KIZ: variants seen among roughly 807,000 people sequenced by gnomAD.
KIZ encodes kizuna centrosomal protein.
In KIZ, 68 loss-of-function variants were observed where a neutral mutation model predicts 79.6. The observed-to-expected ratio is 0.85, with a 90% CI of 0.70 to 1.05. KIZ has a LOEUF of 1.05. Among genes scored for constraint, KIZ ranks in the 50% least tolerant of loss-of-function variants. The pLI is 0.00. For synonymous variants in KIZ, 280 were observed against 281.8 expected (o/e 0.99, Z 0.06); for missense variants, 797 against 800.4 (o/e 1.00, Z 0.05).
chr20:21,144,009 A>G (rs1431915140), intron 3 of KIZ: 2 of 152,208 alleles, frequency 1.3e-5, no homozygotes, highest in Non-Finnish European at 2.9e-5. Context: ...TAATTTAGCT[A>G]AAGAGTATCT....
chr20:21,151,559 A>G (rs2033118709), intron 4 of KIZ: 1 of 152,224 alleles, frequency 6.6e-6, no homozygotes, highest in South Asian at 2.1e-4. Context: ...TTTTGTGGGG[A>G]AACACTGTTT....
chr20:21,214,653 A>G lies in KIZ; in HGVS notation c.1565A>G (p.Glu522Gly). ...CTGAATGACAATAGTGGAATAAAGG[A>G]AGCCAAACCTGCTGTATGGCTCAAC... ...SILNDNSGIKEAKPAVWLNSV... is the reference protein window; with the variant it reads ...SILNDNSGIKGAKPAVWLNSV... The change falls in exon 8 of 13, where the codon GAA (glutamate) becomes GGA (glycine). Residue 522 changes from glutamate to glycine, a missense_variant. Transcript: ENST00000619189. The G allele has an allele frequency of 6.2e-7, 1 of 1,613,018 alleles. No homozygotes were observed. Among genetic ancestry groups the G allele is most frequent in the South Asian group, 1.1e-5 (1 of 91,046 alleles).
chr20:21,172,919 A>AACC (rs371611498), intron 6 of KIZ, among the ~76,000 whole-genome samples: 37 of 152,290 alleles, frequency 2.4e-4, no homozygotes, highest in African/African-American at 7.9e-4. Context: ...AGGCAAAGGG[A>AACC]ACCACAGTAC....
chr20:21,209,111 G>A (rs573543922), intron 7 of KIZ, among the ~76,000 whole-genome samples: 7 of 152,288 alleles, frequency 4.6e-5, no homozygotes, highest in South Asian at 4.1e-4. Flanking sequence ...GCATGTAAAT[G>A]ATGTTTCCCT....
intron 7 of KIZ, 93 bp from the exon 8 acceptor site, chr20:21,214,442 C>T (rs1202273896): frequency 2.3e-6 from 2 of 860,218 alleles, no homozygotes; most frequent in African/African-American, 3.4e-5. Flanking sequence ...TAAAGCTTAA[C>T]TTAAAATTAT....
chr20:21,187,713 C>T (rs75392256), intron 6 of KIZ, among the ~76,000 whole-genome samples: 3,100 of 152,264 alleles, frequency 0.02, 103 homozygotes, highest in African/African-American at 0.069. Flanking sequence ...TATGGTCCTG[C>T]GTCAGCCGTT....
intron 3 of KIZ, among the ~76,000 whole-genome samples, chr20:21,137,758 C>T (rs2032281894): frequency 6.6e-6 from 1 of 151,994 alleles, no homozygotes; most frequent in African/African-American, 2.4e-5. Context: ...ATTATCACGT[C>T]TAAGAAGATT....
intron 7 of KIZ, among the ~76,000 whole-genome samples, chr20:21,206,337 A>T (rs1312976793): frequency 6.6e-6 from 1 of 152,184 alleles, no homozygotes; most frequent in African/African-American, 2.4e-5. Flanking sequence ...AGAAAATGTC[A>T]AAAATGTGGG....
chr20:21,132,093 A>G lies in KIZ; in HGVS notation c.90-4A>G, dbSNP rs373018066. On this transcript the variant is annotated splice_polypyrimidine_tract_variant and splice_region_variant and intron_variant, in intron 1 of 12. Coordinates refer to ENST00000619189, the MANE Select transcript of KIZ (RefSeq NM_018474.6). ...AATTACTTATAAAATGTTTTTTATT[A>G]TAGTGAAAAGAAGAGATTGGACCTG... 13 of 1,212,416 alleles carry G rather than the reference A, an allele frequency of 1.1e-5. No homozygotes were observed. The highest frequency in any genetic ancestry group is 2.5e-5 in the East Asian group (1 of 39,286). 75.1% of individuals were successfully genotyped at this position (1,212,416 alleles called of 1,614,324 possible).
At chr20:21,128,740 C>A (rs192509452) in intron 1 of KIZ, among the ~76,000 whole-genome samples, 2 of 152,110 alleles carry the variant, frequency 1.3e-5, no homozygotes, top group African/African-American at 2.4e-5. Context: ...TTGGCTCTTA[C>A]GGTTATACAA....
intron 7 of KIZ, among the ~76,000 whole-genome samples, chr20:21,211,886 C>G (rs961493330): frequency 6.6e-6 from 1 of 152,128 alleles, no homozygotes; most frequent in Non-Finnish European, 1.5e-5. Flanking sequence ...GACAGGAGTT[C>G]GAGACCAGCC....
chr20:21,226,949 T>C (rs1182055235), intron 9 of KIZ, among the ~76,000 whole-genome samples: 1 of 152,158 alleles, frequency 6.6e-6, no homozygotes, highest in Non-Finnish European at 1.5e-5. Flanking sequence ...GTGAGCCATC[T>C]CAGGATGGGT....
intron 7 of KIZ, among the ~76,000 whole-genome samples, chr20:21,208,274 G>C (rs1314919884): frequency 6.6e-6 from 1 of 152,142 alleles, no homozygotes; most frequent in Non-Finnish European, 1.5e-5. Context: ...AGGGGGTGCT[G>C]TCCAGCTAAT....
intron 11 of KIZ, among the ~76,000 whole-genome samples, chr20:21,237,274 C>G (rs2037045605): frequency 6.7e-6 from 1 of 149,040 alleles, no homozygotes; most frequent in African/African-American, 2.5e-5. Context: ...TACACTCCAG[C>G]CTGGGTGACA....
chr20:21,204,587 C>G (rs2035737324), intron 6 of KIZ, among the ~76,000 whole-genome samples: 1 of 152,096 alleles, frequency 6.6e-6, no homozygotes, highest in African/African-American at 2.4e-5. Context: ...GTGGGAGCTT[C>G]CTAAGATATC....
chr20:21,168,426 T>G (rs534720099), intron 6 of KIZ, among the ~76,000 whole-genome samples: 1 of 152,032 alleles, frequency 6.6e-6, no homozygotes, highest in Non-Finnish European at 1.5e-5. Flanking sequence ...CTCAGTGAAA[T>G]AAAAGAGGAT....
intron 10 of KIZ, among the ~76,000 whole-genome samples, chr20:21,230,016 G>C (rs1296220947): frequency 1.3e-5 from 2 of 152,130 alleles, no homozygotes; most frequent in African/African-American, 4.8e-5. Flanking sequence ...TAGAGTATAA[G>C]TTACCTCAGT....
chr20:21,159,696 TTCATC>T (rs2033564342), intron 4 of KIZ, among the ~76,000 whole-genome samples: 1 of 152,246 alleles, frequency 6.6e-6, no homozygotes. Flanking sequence ...GTATCAGTAA[TTCATC>T]TCTTTTCATG....
chr20:21,159,690 C>G (rs1338079874), intron 4 of KIZ, among the ~76,000 whole-genome samples: 1 of 152,218 alleles, frequency 6.6e-6, no homozygotes, highest in African/African-American at 2.4e-5. Context: ...TAACAGGTAT[C>G]AGTAATTCAT....
Sources: allele counts gnomAD v4.1 joint callset (sites outside exome capture counted in the v4.1 genomes callset), GRCh38; gene constraint gnomAD v4.1.1; transcripts MANE v1.5; gene names NCBI Gene and HGNC (gene_info 2026-07-23, HGNC 2026-07-21).